The following CNTNAP4 variants were observed in gnomAD, a reference collection of about 807,000 sequenced individuals.
CNTNAP4 encodes contactin-associated protein-like 4.
A neutral mutation model predicts 148.4 loss-of-function variants in CNTNAP4; 98 were observed. The ratio of observed to expected loss-of-function variants is 0.66; its 90% confidence interval spans 0.56 to 0.78. The LOEUF is 0.78. Ranked by LOEUF, CNTNAP4 falls within the 30% of genes least tolerant of loss-of-function variation. CNTNAP4 has a pLI of 0.00. For synonymous variants in CNTNAP4, 730 were observed against 565.1 expected (o/e 1.29, Z -4.14); for missense variants, 1,935 against 1,565.6 (o/e 1.24, Z -3.98).
At chr16:76,530,055 A>T (rs1408664553) in intron 17 of CNTNAP4, among the ~76,000 whole-genome samples, 1 of 152,118 alleles carries the variant, frequency 6.6e-6, no homozygotes, top group Non-Finnish European at 1.5e-5. Context: ...TTTTAAAAAA[A>T]ACTTCATAAG....
intron 13 of CNTNAP4, among the ~76,000 whole-genome samples, chr16:76,490,183 A>G (rs1270368114): frequency 2.0e-5 from 3 of 152,254 alleles, no homozygotes; most frequent in African/African-American, 7.2e-5. Context: ...GTGAATGCAC[A>G]GTGTTTATCC....
chr16:76,450,002 A>G (rs988804675), intron 7 of CNTNAP4, 144 bp downstream of exon 7: 10 of 638,850 alleles, frequency 1.6e-5, no homozygotes, highest in Middle Eastern at 3.3e-4. Flanking sequence ...CAATATGCAT[A>G]TAAAAGATTG....
chr16:76,332,624 C>T lies in CNTNAP4; in HGVS notation c.196+16101C>T, dbSNP rs114894357. On this transcript the variant is annotated intron_variant, in intron 2 of 23. Transcript: ENST00000611870. ...ATTATTTATTTAAATATTCTTTCAG[C>T]CATTCTCTCTCTCCTATCCTTCTGA... Among the ~76,000 whole-genome samples, 445 of 152,140 alleles carry T rather than the reference C, an allele frequency of 2.9e-3. 1 individual carries two copies. Among genetic ancestry groups the T allele is most frequent in the African/African-American group, 0.01 (419 of 41,490 alleles).
chr16:76,409,195 C>T (rs1299258976), intron 3 of CNTNAP4, among the ~76,000 whole-genome samples: 1 of 151,734 alleles, frequency 6.6e-6, no homozygotes, highest in African/African-American at 2.4e-5. Context: ...TAAAGAATTC[C>T]CCCTCAGATA....
intron 17 of CNTNAP4, among the ~76,000 whole-genome samples, chr16:76,522,645 C>G (rs947889972): frequency 7.2e-6 from 1 of 139,746 alleles, no homozygotes; most frequent in African/African-American, 2.6e-5. Flanking sequence ...TTCTTTCTTT[C>G]TTTTCTCTCT....
chr16:76,296,451 A>T (rs1193129119), intron 1 of CNTNAP4, among the ~76,000 whole-genome samples: 2 of 152,174 alleles, frequency 1.3e-5, no homozygotes, highest in South Asian at 2.1e-4. Flanking sequence ...TTATCATTGG[A>T]TGTGTAAAAA....
At chr16:76,442,344 A>G (rs12921511) in intron 4 of CNTNAP4, among the ~76,000 whole-genome samples, 5,743 of 152,278 alleles carry the variant, frequency 0.038, 193 homozygotes, top group African/African-American at 0.094. Flanking sequence ...CCAGAATTGT[A>G]AGATAATAAA....
chr16:76,380,272 C>G (rs2015834384), intron 3 of CNTNAP4, among the ~76,000 whole-genome samples: 1 of 152,118 alleles, frequency 6.6e-6, no homozygotes, highest in East Asian at 1.9e-4. Flanking sequence ...TGACAGACAT[C>G]TGTGATTGTC....
chr16:76,510,747 T>C (rs981783606), intron 15 of CNTNAP4, among the ~76,000 whole-genome samples: 3 of 152,304 alleles, frequency 2.0e-5, no homozygotes, highest in Non-Finnish European at 4.4e-5. Flanking sequence ...TTGTATGCTT[T>C]ATTTTCAGAA....
At chr16:76,427,819 G>T (rs751769702) in intron 4 of CNTNAP4, among the ~76,000 whole-genome samples, 1 of 152,086 alleles carries the variant, frequency 6.6e-6, no homozygotes, top group Non-Finnish European at 1.5e-5. Flanking sequence ...TTGATAGATG[G>T]ATAGATACAT....
At chr16:76,283,796 C>T (rs1958780001) in intron 1 of CNTNAP4, among the ~76,000 whole-genome samples, 1 of 151,930 alleles carries the variant, frequency 6.6e-6, no homozygotes, top group Non-Finnish European at 1.5e-5. Context: ...TGCACTTGTA[C>T]CCCTGAACTT....
At chr16:76,301,013 T>C (rs1959905286) in intron 1 of CNTNAP4, among the ~76,000 whole-genome samples, 1 of 152,098 alleles carries the variant, frequency 6.6e-6, no homozygotes. Flanking sequence ...AAGTACATAC[T>C]TGGTCAGTTT....
At chr16:76,318,583 C>T (rs748995197) in intron 2 of CNTNAP4, among the ~76,000 whole-genome samples, 2 of 151,042 alleles carry the variant, frequency 1.3e-5, no homozygotes, top group South Asian at 2.1e-4. Context: ...CTTTTTTTCC[C>T]CTGTTAATTA....
chr16:76,398,812 A>G (rs536579264), intron 3 of CNTNAP4, among the ~76,000 whole-genome samples: 12 of 152,228 alleles, frequency 7.9e-5, no homozygotes, highest in African/African-American at 2.6e-4. Flanking sequence ...ATATATTTGT[A>G]TATATACATA....
At chr16:76,297,753 A>C (rs921142984) in intron 1 of CNTNAP4, among the ~76,000 whole-genome samples, 2 of 152,198 alleles carry the variant, frequency 1.3e-5, no homozygotes, top group Non-Finnish European at 2.9e-5. Context: ...GCTGTTTCAG[A>C]ATACTTTATC....
In CNTNAP4 at chr16:76,444,931, G is replaced by T. The variant is rs4578676; in HGVS notation, c.539-3081G>T. On this transcript the variant is annotated intron_variant, in intron 4 of 23. Coordinates refer to ENST00000611870, the MANE Select transcript of CNTNAP4 (RefSeq NM_033401.5). ...GACTGTAGCCAGTTTGTTGATTTCC[G>T]TCTTTCTGTACTTTGTTCCTTTCAG... Among the ~76,000 whole-genome samples the T allele has an allele frequency of 1.4e-4, 22 of 152,264 alleles. No homozygotes were observed. The East Asian group carries it at 3.9e-3, about 27-fold the overall frequency.
intron 12 of CNTNAP4, among the ~76,000 whole-genome samples, chr16:76,485,517 T>A (rs535907422): frequency 6.6e-6 from 1 of 152,350 alleles, no homozygotes; most frequent in South Asian, 2.1e-4. Context: ...GAGAAATTGA[T>A]GAGTGCCAGA....
intron 4 of CNTNAP4, among the ~76,000 whole-genome samples, chr16:76,429,909 G>A (rs2079550721): frequency 6.6e-6 from 1 of 152,162 alleles, no homozygotes; most frequent in African/African-American, 2.4e-5. Context: ...AACACATATA[G>A]TGAAATAGTG....
chr16:76,524,455 A>C (rs1291473901), intron 17 of CNTNAP4, among the ~76,000 whole-genome samples: 3 of 152,164 alleles, frequency 2.0e-5, no homozygotes, highest in Non-Finnish European at 4.4e-5. Flanking sequence ...ATAGTCCTCA[A>C]ATTTTTCAGT....
Sources: gnomAD v4.1 joint callset for allele counts (sites outside exome capture counted in the v4.1 genomes callset) on GRCh38, gnomAD v4.1.1 for gene constraint, MANE v1.5 for transcripts, NCBI Gene and HGNC (gene_info 2026-07-23, HGNC 2026-07-21) for gene names.